Variants in AGMO observed in about 807,000 individuals in gnomAD.
AGMO encodes the protein glyceryl-ether monooxygenase.
Under a neutral mutation model 60.2 loss-of-function variants are expected in AGMO, and 75 were observed. The observed-to-expected ratio is 1.25, with a 90% CI of 1.03 to 1.51. The LOEUF is 1.51. Ranked by LOEUF, AGMO falls within the 40% of genes most tolerant of loss-of-function variation. The pLI is 0.00. For missense variants in AGMO, 763 were observed against 525.5 expected, an observed-to-expected ratio of 1.45 and a Z score of -4.42; for synonymous variants, 261 against 177.1, an observed-to-expected ratio of 1.47 and a Z score of -3.76.
intron 12 of AGMO, among the ~76,000 whole-genome samples, chr7:15,286,063 T>C (rs985189154): frequency 6.6e-6 from 1 of 151,950 alleles, no homozygotes; most frequent in African/African-American, 2.4e-5. Context: ...TCACCTTATA[T>C]AAAAATCAAC....
intron 11 of AGMO, 95 bp downstream of exon 11, chr7:15,366,045 T>C (rs1395210443): frequency 1.2e-6 from 1 of 836,278 alleles, no homozygotes; most frequent in South Asian, 2.0e-5. Flanking sequence ...TTTTTAAAAC[T>C]ACACTAGTTA....
intron 12 of AGMO, among the ~76,000 whole-genome samples, chr7:15,260,390 T>A (rs1435509967): frequency 6.6e-6 from 1 of 151,850 alleles, no homozygotes; most frequent in Non-Finnish European, 1.5e-5. Flanking sequence ...AAAAGAAACT[T>A]TAAAGCAACA....
At chr7:15,468,503 T>C (rs184335805) in intron 3 of AGMO, among the ~76,000 whole-genome samples, 198 of 152,222 alleles carry the variant, frequency 1.3e-3, no homozygotes, top group African/African-American at 4.3e-3. Context: ...AAACATGTAA[T>C]AATTATACAT....
At chr7:15,155,235 A>G in the AGMO span, among the ~76,000 whole-genome samples, 28 of 152,182 alleles carry the variant, frequency 1.8e-4, no homozygotes, top group East Asian at 1.7e-3. Flanking sequence ...AGGAATACCA[A>G]TGAGTCTCAG....
intron 3 of AGMO, among the ~76,000 whole-genome samples, chr7:15,523,851 C>T (rs1784060621): frequency 6.6e-6 from 1 of 151,724 alleles, no homozygotes; most frequent in African/African-American, 2.4e-5. Context: ...AAAAAGACAC[C>T]CAGGAAGAAT....
At chr7:15,372,214 G>T (rs1412110346) in intron 10 of AGMO, among the ~76,000 whole-genome samples, 1 of 152,060 alleles carries the variant, frequency 6.6e-6, no homozygotes, top group South Asian at 2.1e-4. Flanking sequence ...ACTTTACGAC[G>T]CTGAGGTGAG....
At chr7:15,529,573 T>C (rs377448137) in intron 3 of AGMO, among the ~76,000 whole-genome samples, 1 of 96,080 alleles carries the variant, frequency 1.0e-5, no homozygotes, top group South Asian at 3.1e-4. Flanking sequence ...ATTCTATATA[T>C]AGAGTATATA....
Position 15,544,833 on chromosome 7 carries a change from A to G in AGMO, c.348T>C (p.Thr116=), listed in dbSNP as rs536193303. 6.2e-7 allele frequency: 1 copy of G among 1,610,398 alleles called. No individual in the cohort carries two copies. The highest frequency in any genetic ancestry group is 1.1e-5 in the South Asian group (1 of 90,584). ...LFNLPWDSPW[T]WYSAFLGVDF... ...CAACTCCTAAGAAGGCTGAATACCA[A>G]GTCCATGGAGAATCCCAAGGCAAAT... Residue 116 remains threonine (T), a synonymous_variant, in exon 3 of 13, where the codon ACT becomes ACC. Transcript: ENST00000342526.
intron 12 of AGMO, among the ~76,000 whole-genome samples, chr7:15,206,516 T>A (rs919457726): frequency 2.0e-5 from 3 of 152,030 alleles, no homozygotes; most frequent in Admixed American, 1.3e-4. Context: ...CCTTTTAAGG[T>A]TTTTTCCTAT....
At position 15,252,745 on chromosome 7, in the gene AGMO, T is replaced by G. The variant is rs761389653; in HGVS notation, c.1264-51386A>C. ...GTGATTCTTGAAATGCCTGTTAGAT[T>G]TCCAGCTGGAACTGTTGCATGGACT... On this transcript the variant is annotated intron_variant, in intron 12 of 12. Transcript: ENST00000342526. Among the ~76,000 whole-genome samples, 36 of 152,278 alleles carry G rather than the reference T, an allele frequency of 2.4e-4. No individual in the cohort carries two copies. The East Asian group carries it at 6.6e-3, about 28-fold the overall frequency.
At chr7:15,530,939 C>T (rs1784301096) in intron 3 of AGMO, among the ~76,000 whole-genome samples, 1 of 135,700 alleles carries the variant, frequency 7.4e-6, no homozygotes, top group Non-Finnish European at 1.6e-5. Flanking sequence ...TGGAGTTTCG[C>T]TCTTTTTTGA....
At chr7:15,341,657 C>G (rs536635361) in intron 12 of AGMO, among the ~76,000 whole-genome samples, 2 of 152,192 alleles carry the variant, frequency 1.3e-5, no homozygotes, top group East Asian at 1.9e-4. Context: ...TACCCAGTAC[C>G]AATTTACTAT....
chr7:15,537,492 C>T (rs1277509217), intron 3 of AGMO, among the ~76,000 whole-genome samples: 1 of 152,010 alleles, frequency 6.6e-6, no homozygotes, highest in African/African-American at 2.4e-5. Context: ...CCATTTATGC[C>T]TTCTGATTTA....
downstream of AGMO, among the ~76,000 whole-genome samples, chr7:15,198,240 A>AGAGAGAGG (rs1563030448): frequency 5.9e-3 from 605 of 102,312 alleles, 17 homozygotes; most frequent in Non-Finnish European, 8.3e-3. Context: ...AGAGAGAGAG[A>AGAGAGAGG]GAGAGAGAGA....
At chr7:15,505,305 A>T (rs541458708) in intron 3 of AGMO, among the ~76,000 whole-genome samples, 24 of 152,112 alleles carry the variant, frequency 1.6e-4, no homozygotes, top group Non-Finnish European at 2.8e-4. Flanking sequence ...AGTAGTATAG[A>T]TGATGGGCCA....
chr7:15,426,477 G>T lies in AGMO; in HGVS notation c.513+4528C>A, dbSNP rs560483879. Among the ~76,000 whole-genome samples, 17 of 152,156 alleles carry T rather than the reference G, an allele frequency of 1.1e-4. No individual in the cohort carries two copies. The East Asian group carries it at 1.2e-3, about 10-fold the overall frequency. On this transcript the variant is annotated intron_variant, in intron 4 of 12. Transcript: ENST00000342526. ...AAAAACCAAAATCTTCCCCAGGCGCGGTGGCTCATGCTTATAATCCCACCA... is the reference window on the plus strand; with the variant it reads ...AAAAACCAAAATCTTCCCCAGGCGCTGTGGCTCATGCTTATAATCCCACCA...
Position 15,411,763 on chromosome 7 carries a change from C to T in AGMO, c.609+6795G>A, listed in dbSNP as rs916999550. 5.7e-4 allele frequency among the ~76,000 whole-genome samples: 87 copies of T among 151,924 alleles called. 3 individuals carry two copies. The highest frequency in any genetic ancestry group is 1.3e-4 in the Non-Finnish European group (9 of 67,948). On this transcript the variant is annotated intron_variant, in intron 5 of 12. Coordinates refer to ENST00000342526, the MANE Select transcript of AGMO (RefSeq NM_001004320.2). Reference sequence around the variant, plus strand: ...AATATTCACTAAACATGTTTCTCTACAATCATTACTTAAAATACATATCAC... The same window carrying T: ...AATATTCACTAAACATGTTTCTCTATAATCATTACTTAAAATACATATCAC...
At chr7:15,540,966 A>G (rs1367046909) in intron 3 of AGMO, among the ~76,000 whole-genome samples, 1 of 152,198 alleles carries the variant, frequency 6.6e-6, no homozygotes, top group Non-Finnish European at 1.5e-5. Context: ...CAGGACCCTG[A>G]AGGTCTCATT....
chr7:15,432,573 AAC>A lies in AGMO; in HGVS notation c.410-1467_410-1466del, dbSNP rs577101685. ...CAGAACTGTGGTTAGTCTTATTATGAACAGATAACAAATGCCATTTTTATTAA... is the reference window on the plus strand; with the variant it reads ...CAGAACTGTGGTTAGTCTTATTATGAAGATAACAAATGCCATTTTTATTAA... On this transcript the variant is annotated intron_variant, in intron 3 of 12. Coordinates refer to ENST00000342526, the MANE Select transcript of AGMO (RefSeq NM_001004320.2). Among the ~76,000 whole-genome samples the A allele has an allele frequency of 5.1e-3, 768 of 151,750 alleles. 5 individuals are homozygous for A. Among genetic ancestry groups the A allele is most frequent in the African/African-American group, 0.018 (729 of 41,494 alleles).
Sources: allele counts gnomAD v4.1 joint callset (sites outside exome capture counted in the v4.1 genomes callset), GRCh38; gene constraint gnomAD v4.1.1; transcripts MANE v1.5; gene names NCBI Gene and HGNC (gene_info 2026-07-23, HGNC 2026-07-21).